RAB6A: variants seen among roughly 807,000 people sequenced by gnomAD.
RAB6A encodes the protein ras-related protein Rab-6A.
RAB6A carries 8 observed loss-of-function variants against 32.3 expected under a neutral mutation model. The ratio of observed to expected loss-of-function variants is 0.25; its 90% CI spans 0.15 to 0.45. RAB6A has a LOEUF of 0.45. Among genes scored for constraint, RAB6A ranks in the 20% least tolerant of loss-of-function variants. The pLI, the probability that RAB6A is intolerant of heterozygous loss-of-function variation, is 1.00. For missense variants in RAB6A, 104 were observed against 249.4 expected (o/e 0.42, Z 3.93); for synonymous variants, 73 against 82.1 (o/e 0.89, Z 0.60).
At chr11:73,707,067 G>C (rs1485945200) in intron 6 of RAB6A, among the ~76,000 whole-genome samples, 1 of 146,790 alleles carries the variant, frequency 6.8e-6, no homozygotes, top group African/African-American at 2.5e-5. Flanking sequence ...GCAGTGAGCC[G>C]AGATCACGCC....
chr11:73,736,213 G>T (rs1946390886), intron 1 of RAB6A, among the ~76,000 whole-genome samples: 1 of 152,040 alleles, frequency 6.6e-6, no homozygotes, highest in Admixed American at 6.6e-5. Context: ...CAGATGACTT[G>T]AGGTCAGGAG....
At chr11:73,734,870 C>T (rs1371960960) in intron 1 of RAB6A, among the ~76,000 whole-genome samples, 3 of 152,080 alleles carry the variant, frequency 2.0e-5, no homozygotes, top group African/African-American at 4.8e-5. Flanking sequence ...ATCTCTTAAC[C>T]AAAATGCTCA....
intron 6 of RAB6A, among the ~76,000 whole-genome samples, chr11:73,705,370 A>G (rs1945821673): frequency 3.3e-5 from 5 of 152,178 alleles, no homozygotes; most frequent in African/African-American, 1.2e-4. Context: ...CAACAAGGTG[A>G]AACCCTGTCT....
At position 73,677,020 on chromosome 11, in the gene RAB6A, C is replaced by T. The variant is rs1278965796; in HGVS notation, c.*878G>A. The T allele has an allele frequency of 6.2e-6, 1 of 161,184 alleles. No individual in the cohort carries two copies. Among genetic ancestry groups the T allele is most frequent in the African/African-American group, 2.4e-5 (1 of 41,010 alleles). 10.0% of individuals were successfully genotyped at this position (161,184 alleles called of 1,614,324 possible). A position where few individuals can be genotyped will look rare whatever the true frequency, so the allele number is the denominator to read the frequency against. ...TATTTTTTAAACAAACAGAATAACTCTTGACAATTTTAAAACCTTGGGAGA... is the reference window on the plus strand; with the variant it reads ...TATTTTTTAAACAAACAGAATAACTTTTGACAATTTTAAAACCTTGGGAGA... On this transcript the variant is annotated 3_prime_UTR_variant, in exon 8 of 8. Transcript: ENST00000336083.
intron 1 of RAB6A, among the ~76,000 whole-genome samples, chr11:73,739,282 A>ATATATATAT (rs1289309364): frequency 1.4e-3 from 22 of 15,334 alleles, no homozygotes; most frequent in South Asian, 5.4e-3. Flanking sequence ...AAAAAAAAAA[A>ATATATATAT]AAATATATAT....
chr11:73,697,435 C>T (rs1945672209), intron 6 of RAB6A, among the ~76,000 whole-genome samples: 1 of 152,016 alleles, frequency 6.6e-6, no homozygotes, highest in African/African-American at 2.4e-5. Context: ...GCAACCTCCA[C>T]CACCCAGGTT....
At chr11:73,698,849 ATTTTTTT>A (rs555410867) in intron 6 of RAB6A, among the ~76,000 whole-genome samples, 1 of 118,276 alleles carries the variant, frequency 8.5e-6, no homozygotes, top group East Asian at 2.4e-4. Context: ...TTTTTTTGCG[ATTTTTTT>A]TTTTTTTTTT....
chr11:73,709,963 T>TATATATATATA (rs200611952), intron 5 of RAB6A, among the ~76,000 whole-genome samples: 5 of 49,710 alleles, frequency 1.0e-4, no homozygotes, highest in Middle Eastern at 7.4e-3. Context: ...ATATATATAT[T>TATATATATATA]TTTTTTTTTT....
At chr11:73,721,080 G>C (rs1946127446) in intron 2 of RAB6A, among the ~76,000 whole-genome samples, 181 bp from the exon 3 acceptor site, 1 of 152,166 alleles carries the variant, frequency 6.6e-6, no homozygotes, top group African/African-American at 2.4e-5. Flanking sequence ...CATGTATTCA[G>C]CACTTGCTTC....
At chr11:73,737,068 T>C (rs1489404938) in intron 1 of RAB6A, among the ~76,000 whole-genome samples, 5 of 151,406 alleles carry the variant, frequency 3.3e-5, no homozygotes, top group Admixed American at 2.0e-4. Flanking sequence ...TGAAATCATA[T>C]AGAACGTATT....
At chr11:73,756,786 G>A (rs1336232693) in intron 1 of RAB6A, among the ~76,000 whole-genome samples, 1 of 152,042 alleles carries the variant, frequency 6.6e-6, no homozygotes, top group Admixed American at 6.6e-5. Flanking sequence ...CAGTTTTCCT[G>A]CCTCAGCCTC....
intron 6 of RAB6A, 123 bp downstream of exon 6, chr11:73,707,297 A>C: frequency 1.6e-6 from 1 of 643,654 alleles, no homozygotes; most frequent in South Asian, 2.2e-5. Flanking sequence ...CACTGTTTGA[A>C]AATATACTGC....
chr11:73,707,131 A>AG (rs1945859348), intron 6 of RAB6A, among the ~76,000 whole-genome samples: 2 of 150,658 alleles, frequency 1.3e-5, no homozygotes, highest in East Asian at 1.9e-4. Context: ...AAAAGAAAAA[A>AG]AAAAAAAAAA....
intron 6 of RAB6A, among the ~76,000 whole-genome samples, chr11:73,705,244 A>C (rs2134915221): frequency 6.6e-6 from 1 of 152,144 alleles, no homozygotes; most frequent in South Asian, 2.1e-4. Context: ...CCCTTATCAA[A>C]ATGTCTCTAA....
chr11:73,755,909 A>G (rs1490883046), intron 1 of RAB6A, among the ~76,000 whole-genome samples: 2 of 151,650 alleles, frequency 1.3e-5, no homozygotes, highest in Non-Finnish European at 2.9e-5. Context: ...GAGGAAGAAG[A>G]GGAGGAGGAG....
intron 5 of RAB6A, among the ~76,000 whole-genome samples, chr11:73,708,255 A>G (rs1411684799): frequency 1.3e-5 from 2 of 152,064 alleles, no homozygotes; most frequent in Non-Finnish European, 1.5e-5. Flanking sequence ...TGCAACCTCC[A>G]ACACCTGGGT....
At chr11:73,760,543 G>A (rs1189418562) in intron 1 of RAB6A, 23 bp downstream of exon 1, 3 of 1,592,164 alleles carry the variant, frequency 1.9e-6, no homozygotes, top group Non-Finnish European at 2.6e-6. Context: ...CAGCTGCCAG[G>A]AGTAGGGGAG....
intron 2 of RAB6A, among the ~76,000 whole-genome samples, chr11:73,725,806 A>G (rs74610350): frequency 0.011 from 1,644 of 152,304 alleles, 13 homozygotes; most frequent in Middle Eastern, 0.044. Flanking sequence ...CATGGAGTCT[A>G]AGCTAAAAAA....
chr11:73,735,145 G>A (rs376285374), intron 1 of RAB6A, among the ~76,000 whole-genome samples: 1 of 152,156 alleles, frequency 6.6e-6, no homozygotes, highest in South Asian at 2.1e-4. Flanking sequence ...CACACCATCT[G>A]CACCATGCTA....
Sources: allele counts gnomAD v4.1 joint callset (sites outside exome capture counted in the v4.1 genomes callset), GRCh38; gene constraint gnomAD v4.1.1; transcripts MANE v1.5; gene names NCBI Gene and HGNC (gene_info 2026-07-23, HGNC 2026-07-21).